Variants in PPP3CA observed in about 807,000 individuals in gnomAD.
PPP3CA encodes CAM-PRP catalytic subunit.
In PPP3CA, 14 loss-of-function variants were observed where a neutral mutation model predicts 66.5. The observed-to-expected ratio is 0.21, with a 90% confidence interval of 0.14 to 0.33. The LOEUF (loss-of-function observed/expected upper bound fraction) is 0.33. PPP3CA is among the 10% of genes least tolerant of loss of function. The probability of loss-of-function intolerance (pLI) is 1.00; values close to 1 mark genes in which losing one functional copy is unlikely to be tolerated. For missense variants in PPP3CA, 317 were observed against 639.5 expected, an observed-to-expected ratio of 0.50 and a Z score of 5.44; for synonymous variants, 232 against 226.2, an observed-to-expected ratio of 1.03 and a Z score of -0.23.
chr4:101,280,212 G>A (rs888801781), intron 1 of PPP3CA, among the ~76,000 whole-genome samples: 2 of 152,162 alleles, frequency 1.3e-5, no homozygotes, highest in African/African-American at 4.8e-5. Flanking sequence ...AGAAAATTAA[G>A]AAGAAAAAGT....
chr4:101,242,126 T>TA lies in PPP3CA; in HGVS notation c.59-46011dup, dbSNP rs1038240167. On this transcript the variant is annotated intron_variant, in intron 1 of 13. Coordinates refer to ENST00000394854, the MANE Select transcript of PPP3CA (RefSeq NM_000944.5). ...TGTTTTGTGTAGATATAAAAATGCT[T>TA]AAAAATGAAATTCTTAAGACTCATA... is the stretch of plus-strand genomic sequence containing the variant. Among the ~76,000 whole-genome samples the TA allele has an allele frequency of 9.2e-5, 14 of 151,982 alleles. 1 individual carries two copies. Among genetic ancestry groups the TA allele is most frequent in the Admixed American group, 9.2e-4 (14 of 15,238 alleles).
chr4:101,231,152 CT>C (rs1725948437), intron 1 of PPP3CA, among the ~76,000 whole-genome samples: 1 of 151,676 alleles, frequency 6.6e-6, no homozygotes, highest in Non-Finnish European at 1.5e-5. Context: ...CACAAATGAT[CT>C]TCTCCAGGTT....
chr4:101,163,808 G>T (rs17030836), intron 2 of PPP3CA, among the ~76,000 whole-genome samples: 1,806 of 152,018 alleles, frequency 0.012, 37 homozygotes, highest in African/African-American at 0.042. Context: ...TCACTTAAGG[G>T]AATCAGAACA....
chr4:101,075,791 CTCATA>C (rs1352454934), intron 8 of PPP3CA, among the ~76,000 whole-genome samples: 1 of 152,136 alleles, frequency 6.6e-6, no homozygotes, highest in Non-Finnish European at 1.5e-5. Flanking sequence ...AATTTTCACT[CTCATA>C]TCACACCACT....
intron 1 of PPP3CA, among the ~76,000 whole-genome samples, chr4:101,241,247 T>C (rs569800549): frequency 1.3e-5 from 2 of 152,258 alleles, no homozygotes; most frequent in Admixed American, 6.5e-5. Context: ...GGTAAACCTT[T>C]GCACTCCTAT....
chr4:101,044,382 T>G (rs953671294), intron 10 of PPP3CA, among the ~76,000 whole-genome samples: 2 of 152,202 alleles, frequency 1.3e-5, no homozygotes, highest in Admixed American at 6.5e-5. Context: ...TATTAAACAT[T>G]CTTGGTACTG....
chr4:101,079,068 C>G (rs1355567336), intron 8 of PPP3CA, among the ~76,000 whole-genome samples: 1 of 152,172 alleles, frequency 6.6e-6, no homozygotes, highest in Non-Finnish European at 1.5e-5. Context: ...CGTATGGCAA[C>G]AGCAAACACC....
At chr4:101,033,295 C>A (rs201515211) in intron 11 of PPP3CA, among the ~76,000 whole-genome samples, 645 of 34,922 alleles carry the variant, frequency 0.018, 6 homozygotes, top group Admixed American at 0.051. Context: ...CACACACAAA[C>A]ACACACACAC....
chr4:101,086,498 G>GT (rs1295732187), intron 6 of PPP3CA, among the ~76,000 whole-genome samples: 5 of 151,984 alleles, frequency 3.3e-5, no homozygotes, highest in African/African-American at 1.2e-4. Flanking sequence ...TCTCCCAGAT[G>GT]TAAGACTCTT....
intron 1 of PPP3CA, among the ~76,000 whole-genome samples, chr4:101,339,776 A>T (rs911530599): frequency 3.3e-5 from 5 of 152,220 alleles, no homozygotes; most frequent in African/African-American, 1.2e-4. Context: ...TTCCAAACTA[A>T]AACTCTGAAT....
intron 5 of PPP3CA, among the ~76,000 whole-genome samples, chr4:101,097,114 C>A (rs1730229933): frequency 6.6e-6 from 1 of 152,098 alleles, no homozygotes; most frequent in African/African-American, 2.4e-5. Context: ...GAGATTAGTG[C>A]ATCACTTATT....
chr4:101,107,035 A>G (rs1303876188), intron 3 of PPP3CA, among the ~76,000 whole-genome samples: 2 of 152,138 alleles, frequency 1.3e-5, no homozygotes, highest in East Asian at 3.9e-4. Context: ...CAAAATTAGT[A>G]CTCAATTGCT....
chr4:101,332,609 G>A (rs1422332182), intron 1 of PPP3CA, among the ~76,000 whole-genome samples: 2 of 152,192 alleles, frequency 1.3e-5, no homozygotes, highest in African/African-American at 4.8e-5. Context: ...TAAAAAGCAT[G>A]TCTTTCAAAG....
intron 1 of PPP3CA, among the ~76,000 whole-genome samples, chr4:101,196,653 C>A (rs1323619480): frequency 6.6e-6 from 1 of 152,148 alleles, no homozygotes; most frequent in African/African-American, 2.4e-5. Context: ...AGTGCACTGA[C>A]TACTGATAAG....
chr4:101,235,643 C>T (rs1199705443), intron 1 of PPP3CA, among the ~76,000 whole-genome samples: 1 of 151,804 alleles, frequency 6.6e-6, no homozygotes, highest in Non-Finnish European at 1.5e-5. Flanking sequence ...AAAGTAGATG[C>T]TCAGTAAACG....
intron 2 of PPP3CA, among the ~76,000 whole-genome samples, chr4:101,114,746 G>A (rs1721788312): frequency 6.6e-6 from 1 of 151,888 alleles, no homozygotes; most frequent in African/African-American, 2.4e-5. Context: ...AAACTTTATG[G>A]GAAATAATTT....
intron 2 of PPP3CA, among the ~76,000 whole-genome samples, chr4:101,120,157 T>C (rs1370632669): frequency 6.6e-6 from 1 of 152,094 alleles, no homozygotes; most frequent in Non-Finnish European, 1.5e-5. Context: ...TACATATCTT[T>C]CACTAGGTAG....
chr4:101,061,290 A>G, intron 9 of PPP3CA, 129 bp from the exon 10 acceptor site: 1 of 734,730 alleles, frequency 1.4e-6, no homozygotes, highest in Non-Finnish European at 2.3e-6. Context: ...AAGCAGTTTC[A>G]GTAAACATCC....
intron 1 of PPP3CA, among the ~76,000 whole-genome samples, chr4:101,277,352 G>T (rs1406036078): frequency 6.6e-6 from 1 of 152,152 alleles, no homozygotes; most frequent in Non-Finnish European, 1.5e-5. Flanking sequence ...AGCTGCTGTG[G>T]ACATTTGTGT....
Sources: gnomAD v4.1 joint callset for allele counts (sites outside exome capture counted in the v4.1 genomes callset) on GRCh38, gnomAD v4.1.1 for gene constraint, MANE v1.5 for transcripts, NCBI Gene and HGNC (gene_info 2026-07-23, HGNC 2026-07-21) for gene names.